The following ATP6AP2 variants were observed in gnomAD, a reference collection of about 807,000 sequenced individuals.
ATP6AP2 encodes the protein ATPase H+ transporting accessory protein 2, also known as renin receptor.
ATP6AP2 carries 1 observed loss-of-function variant against 23.4 expected under a neutral mutation model. That is an observed-to-expected ratio of 0.04 (90% CI 0.02 to 0.20). The LOEUF (loss-of-function observed/expected upper bound fraction) is 0.20, where lower values mean the gene tolerates loss of function less well. Ranked by LOEUF, ATP6AP2 falls within the 10% of genes least tolerant of loss-of-function variation. ATP6AP2 has a pLI of 1.00. For synonymous variants in ATP6AP2, 90 were observed against 97.1 expected, an observed-to-expected ratio of 0.93 and a Z score of 0.43; for missense variants, 174 against 271.3, an observed-to-expected ratio of 0.64 and a Z score of 2.52.
At chrX:40,604,931 A>ATT (rs142088347) in intron 8 of ATP6AP2, among the ~76,000 whole-genome samples, 1,029 of 78,123 alleles carry the variant, frequency 0.013, 39 homozygotes, top group Non-Finnish European at 0.018. Context: ...TCTGTTGATG[A>ATT]TTTTTTTTTT....
chrX:40,584,205 T>C (rs1926400062), intron 1 of ATP6AP2, among the ~76,000 whole-genome samples: 1 of 110,568 alleles, frequency 9.0e-6, no homozygotes, highest in Admixed American at 9.6e-5. Context: ...GCCTCCCTAG[T>C]AGCTGGGACC....
In ATP6AP2 at chrX:40,597,320, T is replaced by G. The variant is rs768335960; in HGVS notation, c.372T>G (p.Val124=). 3.3e-6 allele frequency: 4 copies of G among 1,203,690 alleles called. No individual in the cohort carries two copies. In the South Asian group the frequency reaches 7.1e-5, roughly 21 times the overall value. ...TATTTTCTGAGGAAACTCCTGTTGT[T>G]TTGCAGTTGGCTCCCAGTGAGGAAG... ...HSLFSEETPV[V]LQLAPSEERV... is the part of the protein sequence containing the mutation. The change falls in exon 4 of 9, where the codon GTT becomes GTG. Residue 124 remains valine, a synonymous_variant. Transcript: ENST00000636580.
chrX:40,597,111 T>G (rs1926791956), intron 3 of ATP6AP2, 138 bp from the exon 4 acceptor site: 1 of 521,793 alleles, frequency 1.9e-6, no homozygotes, highest in African/African-American at 2.4e-5. Flanking sequence ...AGGGCTTGTT[T>G]GGAAATGATT....
intron 1 of ATP6AP2, among the ~76,000 whole-genome samples, chrX:40,585,113 T>G (rs1266380850): frequency 8.9e-6 from 1 of 112,643 alleles, no homozygotes; most frequent in Non-Finnish European, 1.9e-5. Flanking sequence ...CAATTTGGGT[T>G]TATCTGATGT....
intron 3 of ATP6AP2, among the ~76,000 whole-genome samples, chrX:40,593,453 G>A (rs1005439114): frequency 1.4e-4 from 15 of 110,418 alleles, no homozygotes; most frequent in East Asian, 1.1e-3. Flanking sequence ...AGTTTCCCGC[G>A]CTTTAAAGGC....
In ATP6AP2 at chrX:40,589,044, T is replaced by C; in HGVS notation, c.96T>C (p.Asn32=). 1 of 1,209,423 alleles carries C rather than the reference T, an allele frequency of 8.3e-7. No individual in the cohort carries two copies. The highest frequency in any genetic ancestry group is 1.8e-5 in the South Asian group (1 of 56,930). ...LKSPGSVVFR[N]GNWPIPGERI... ...CACCAGGGTCTGTTGTTTTCCGAAA[T>C]GGAAATTGGCCTATACCAGGAGAGC... Residue 32 remains asparagine, a synonymous_variant, in exon 2 of 9, where the codon AAT becomes AAC. Coordinates refer to ENST00000636580, the MANE Select transcript of ATP6AP2 (RefSeq NM_005765.3).
chrX:40,591,804 CTG>C (rs764887952), intron 3 of ATP6AP2: 368 of 174,706 alleles, frequency 2.1e-3, no homozygotes, highest in Non-Finnish European at 3.4e-3. Context: ...ATGTGGGTGA[CTG>C]TGCTGATCTA....
intron 1 of ATP6AP2, among the ~76,000 whole-genome samples, chrX:40,581,799 C>T (rs1490355116): frequency 9.0e-6 from 1 of 111,541 alleles, no homozygotes; most frequent in Admixed American, 9.5e-5. Context: ...GTGAAGAAAT[C>T]AGCTAATACG....
intron 3 of ATP6AP2, chrX:40,592,493 GAAAA>G (rs921118914): frequency 9.4e-5 from 10 of 106,440 alleles, no homozygotes; most frequent in African/African-American, 3.4e-4. Context: ...TCTCTAGGGG[GAAAA>G]AAAAAGAAAG....
chrX:40,600,696 T>G lies in ATP6AP2; in HGVS notation c.739-66T>G. 6 of 1,071,687 alleles carry G rather than the reference T, an allele frequency of 5.6e-6. No homozygotes were observed. In the East Asian group the frequency reaches 1.9e-4, roughly 33 times the overall value. The allele number at this position is 1,071,687 out of a possible 1,213,427, so 88.3% of individuals were successfully genotyped here. On this transcript the variant is annotated intron_variant, in intron 7 of 8. Transcript: ENST00000636580. ...TGTGATAAATATATATGATTTTAAT[T>G]TGTTAATTAAAAATGAAAAAAGTAC...
In ATP6AP2 at chrX:40,599,587, C is replaced by T; in HGVS notation, c.589-5C>T. 8.3e-7 allele frequency: 1 copy of T among 1,210,579 alleles called. No individual in the cohort carries two copies. The highest frequency in any genetic ancestry group is 1.1e-6 in the Non-Finnish European group (1 of 895,064). ...TACCTTTTTTTGTTTGTTTGTTCTC[C>T]TAAGCTGTCTCGTCATAAGCATCTA... On this transcript the variant is annotated splice_polypyrimidine_tract_variant and splice_region_variant and intron_variant, in intron 6 of 8. Transcript: ENST00000636580.
intron 1 of ATP6AP2, among the ~76,000 whole-genome samples, chrX:40,583,945 G>A (rs1226749487): frequency 4.5e-5 from 5 of 111,699 alleles, no homozygotes; most frequent in Non-Finnish European, 7.5e-5. Flanking sequence ...GAGTAGTTGG[G>A]CTCAGCCTGG....
chrX:40,589,361 C>A, intron 2 of ATP6AP2: 1 of 306,899 alleles, frequency 3.3e-6, no homozygotes, highest in Non-Finnish European at 5.6e-6. Flanking sequence ...AGTGAGACTC[C>A]CATCTCAAAA....
chrX:40,590,088 G>A (rs1926587811), intron 2 of ATP6AP2: 2 of 111,529 alleles, frequency 1.8e-5, no homozygotes, highest in Non-Finnish European at 3.8e-5. Context: ...TGTCACCCAA[G>A]CTGAGTTTGA....
Position 40,604,685 on chromosome X carries a change from T to C in ATP6AP2, c.859-876T>C, listed in dbSNP as rs927349601. 8.0e-5 allele frequency among the ~76,000 whole-genome samples: 9 copies of C among 111,971 alleles called. No homozygotes were observed. The South Asian group carries it at 3.3e-3, about 41-fold the overall frequency. ...CCAGAGGTAACTGCTGTCCTGGATA[T>C]CATGTTAATCCCTTGCTTTTCTTTA... is the stretch of plus-strand genomic sequence containing the variant. On this transcript the variant is annotated intron_variant, in intron 8 of 8. Transcript: ENST00000636580.
At chrX:40,599,076 T>G (rs916540525) in intron 6 of ATP6AP2, 2 of 253,967 alleles carry the variant, frequency 7.9e-6, no homozygotes, top group Admixed American at 6.3e-5. Flanking sequence ...TAGTTTGGAC[T>G]AATAATGCTG....
At chrX:40,596,422 TA>T (rs1191108248) in intron 3 of ATP6AP2, among the ~76,000 whole-genome samples, 1 of 111,613 alleles carries the variant, frequency 9.0e-6, no homozygotes. Flanking sequence ...AACTGTAATT[TA>T]TTTTTTTAAA....
chrX:40,604,414 C>T (rs753566833), intron 8 of ATP6AP2, among the ~76,000 whole-genome samples: 1 of 110,410 alleles, frequency 9.1e-6, no homozygotes, highest in East Asian at 2.8e-4. Context: ...CACAAGGTGG[C>T]AAAAGAGAGA....
chrX:40,598,806 G>A, intron 6 of ATP6AP2, 72 bp downstream of exon 6: 1 of 1,053,810 alleles, frequency 9.5e-7, no homozygotes, highest in Non-Finnish European at 1.3e-6. Flanking sequence ...AATAGTAAAG[G>A]CAGTTGAAAA....
Sources: allele counts gnomAD v4.1 joint callset (sites outside exome capture counted in the v4.1 genomes callset), GRCh38; gene constraint gnomAD v4.1.1; transcripts MANE v1.5; gene names NCBI Gene and HGNC (gene_info 2026-07-23, HGNC 2026-07-21).